The following FAM217A variants were observed in gnomAD, a reference collection of about 807,000 sequenced individuals.
The protein encoded by FAM217A is family with sequence similarity 217 member A, also known as protein FAM217A.
A neutral mutation model predicts 18.5 loss-of-function variants in FAM217A; 13 were observed. That is an observed-to-expected ratio of 0.70 (90% CI 0.46 to 1.12). FAM217A has a LOEUF of 1.12. FAM217A is among the 50% of genes most tolerant of loss of function. The probability of loss-of-function intolerance (pLI) is 0.00; values close to 1 mark genes in which losing one functional copy is unlikely to be tolerated. For missense variants in FAM217A, 560 were observed against 575.4 expected (o/e 0.97, Z 0.27); for synonymous variants, 161 against 202.8 (o/e 0.79, Z 1.75).
Position 4,068,535 on chromosome 6 carries a change from C to CGAGA in FAM217A, c.*160_*161insTCTC. The CGAGA allele has an allele frequency of 1.5e-6, 1 of 679,720 alleles. No individual in the cohort carries two copies. The highest frequency in any genetic ancestry group is 2.4e-6 in the Non-Finnish European group (1 of 420,238). The allele number at this position is 679,720 out of a possible 1,614,324, so 42.1% of individuals were successfully genotyped here. ...CCTGTGGGTTTATATATAGACATCT[C>CGAGA]AGCAGTGCTTTTCACAAGTTCTACT... On this transcript the variant is annotated 3_prime_UTR_variant, in exon 7 of 7. Transcript: ENST00000274673.
intron 1 of FAM217A, among the ~76,000 whole-genome samples, chr6:4,085,848 G>A (rs900449655): frequency 2.0e-5 from 3 of 152,226 alleles, no homozygotes; most frequent in Admixed American, 6.5e-5. Context: ...AGTGGCTTGC[G>A]CTTGTAATCA....
chr6:4,071,752 C>T (rs1022452940), intron 6 of FAM217A, among the ~76,000 whole-genome samples: 3 of 152,300 alleles, frequency 2.0e-5, no homozygotes, highest in Non-Finnish European at 2.9e-5. Flanking sequence ...ACCACAACTG[C>T]CATAGAACTT....
Position 4,068,456 on chromosome 6 carries a change from C to T in FAM217A, c.*240G>A, listed in dbSNP as rs1769168476. ...TGAATAGAATAGTCTACCAAGTGAA[C>T]CATTTACTTGAAACACAACATGCAA... is the stretch of plus-strand genomic sequence containing the variant. On this transcript the variant is annotated 3_prime_UTR_variant, in exon 7 of 7. Coordinates refer to ENST00000274673, the MANE Select transcript of FAM217A (RefSeq NM_173563.3). 5.1e-6 allele frequency: 2 copies of T among 389,926 alleles called. No individual in the cohort carries two copies. Among genetic ancestry groups the T allele is most frequent in the South Asian group, 1.5e-4 (2 of 12,976 alleles). The allele number at this position is 389,926 out of a possible 1,614,324, so 24.2% of individuals were successfully genotyped here.
At chr6:4,079,933 C>A (rs1470480727), upstream of FAM217A, among the ~76,000 whole-genome samples, 1 of 151,562 alleles carries the variant, frequency 6.6e-6, no homozygotes, top group Non-Finnish European at 1.5e-5. Flanking sequence ...TCTCCTATTA[C>A]AGCTTCATGA....
At position 4,074,585 on chromosome 6, in the gene FAM217A, G is replaced by C; in HGVS notation, c.137C>G (p.Ala46Gly). Residue 46 changes from alanine to glycine, a missense_variant, in exon 3 of 7, where the codon GCA (alanine) becomes GGA (glycine). By Grantham distance (60) the Ala-to-Gly change is moderately conservative (BLOSUM62 0). Coordinates refer to ENST00000274673, the MANE Select transcript of FAM217A (RefSeq NM_173563.3). The stretch of plus-strand genomic sequence containing the variant: ...CATCTAGGATTTCTTACCACCTGCT[G>C]CTCCATCCCTTCCAGCTGGGAGGTT... ...NKNLPAGRDG[A>G]AGGKINKNYL... The C allele has an allele frequency of 6.2e-7, 1 of 1,612,794 alleles. No homozygotes were observed. The highest frequency in any genetic ancestry group is 8.5e-7 in the Non-Finnish European group (1 of 1,178,890).
In FAM217A at chr6:4,069,391, G is replaced by C. The variant is rs2113852068; in HGVS notation, c.832C>G (p.Pro278Ala). ...KSDNWKVTVD[P>A]AETSVEHLIT... ...AAGTGTTCAACAGAGGTTTCTGCAG[G>C]GTCCACTGTCACTTTCCAATTGTCA... The change falls in exon 7 of 7, where the codon CCT becomes GCT. Residue 278 changes from proline to alanine, a missense_variant. Pro to Ala is a conservative substitution (Grantham distance 27). Transcript: ENST00000274673. 6.2e-7 allele frequency: 1 copy of C among 1,614,092 alleles called. No individual in the cohort carries two copies. Among genetic ancestry groups the C allele is most frequent in the Non-Finnish European group, 8.5e-7 (1 of 1,179,990 alleles).
At chr6:4,086,193 A>T (rs1300539638) in intron 1 of FAM217A, among the ~76,000 whole-genome samples, 2 of 150,948 alleles carry the variant, frequency 1.3e-5, no homozygotes, top group African/African-American at 4.9e-5. Flanking sequence ...ACACCTGTAA[A>T]CCCAGCACTT....
upstream of FAM217A, among the ~76,000 whole-genome samples, chr6:4,080,866 T>A (rs781565495): frequency 6.6e-6 from 1 of 151,502 alleles, no homozygotes; most frequent in Non-Finnish European, 1.5e-5. Context: ...AACTCACAAG[T>A]CATTTTTCCT....
At position 4,069,573 on chromosome 6, in the gene FAM217A, CT is replaced by C; in HGVS notation, c.649del (p.Ser217AlafsTer8). The C allele has an allele frequency of 6.2e-7, 1 of 1,614,010 alleles. No individual in the cohort carries two copies. Among genetic ancestry groups the C allele is most frequent in the Non-Finnish European group, 8.5e-7 (1 of 1,179,968 alleles). On this transcript the variant is annotated frameshift_variant, in exon 7 of 7. Transcript: ENST00000274673. LOFTEE classifies it low-confidence loss of function (END_TRUNC). ...ENEKTNDTLL[S>X]YFKKVDLNLK... ...GTTCAGGTCCACCTTTTTAAAATAGCTGAGTAAAGTATCATTTGTCTTCTCA... is the reference window on the plus strand; with the variant it reads ...GTTCAGGTCCACCTTTTTAAAATAGCGAGTAAAGTATCATTTGTCTTCTCA...
Position 4,069,216 on chromosome 6 carries a change from C to G in FAM217A, c.1007G>C (p.Cys336Ser). The change falls in exon 7 of 7, where the codon TGC (cysteine) becomes TCC (serine). Residue 336 changes from cysteine to serine, a missense_variant. Physicochemically the swap from Cys to Ser is moderately radical, Grantham distance 112. Coordinates refer to ENST00000274673, the MANE Select transcript of FAM217A (RefSeq NM_173563.3). ...ATPKVRQPKL[C>S]DSLSLQIPCV... is the part of the protein sequence containing the mutation. Reference sequence around the variant, plus strand: ...AGGTATCTGAAGACTCAAAGAGTCGCAAAGTTTTGGCTGTCTCACTTTTGG... The same window carrying G: ...AGGTATCTGAAGACTCAAAGAGTCGGAAAGTTTTGGCTGTCTCACTTTTGG... 6.2e-7 allele frequency: 1 copy of G among 1,614,156 alleles called. No homozygotes were observed. The highest frequency in any genetic ancestry group is 1.3e-5 in the African/African-American group (1 of 75,038).
chr6:4,083,251 TCTC>T (rs1206498405), upstream of FAM217A, among the ~76,000 whole-genome samples: 2 of 152,184 alleles, frequency 1.3e-5, no homozygotes, highest in African/African-American at 4.8e-5. Flanking sequence ...CACCTCAGTT[TCTC>T]CTCCTATAAC....
chr6:4,078,815 G>T, intron 1 of FAM217A, 37 bp downstream of exon 1: 2 of 443,714 alleles, frequency 4.5e-6, no homozygotes, highest in Non-Finnish European at 8.1e-6. Flanking sequence ...GCAGGAGGGG[G>T]CTGCGGGATT....
At chr6:4,085,106 C>T (rs904268822) in intron 1 of FAM217A, among the ~76,000 whole-genome samples, 7 of 152,126 alleles carry the variant, frequency 4.6e-5, no homozygotes, top group African/African-American at 1.7e-4. Flanking sequence ...ACAATGAAAG[C>T]ATTTGTTCCA....
exon 2 of FAM217A, chr6:4,084,688 C>T (rs1770527406): frequency 1.4e-6 from 1 of 703,018 alleles, no homozygotes; most frequent in Admixed American, 2.0e-5. Flanking sequence ...CCTTAAAAAA[C>T]TTGGAGCTAA....
intron 1 of FAM217A, chr6:4,084,900 G>A (rs954643427): frequency 6.1e-6 from 4 of 654,366 alleles, no homozygotes; most frequent in Non-Finnish European, 1.1e-5. Context: ...TCATGCAGCT[G>A]CTGCGCTGCG....
chr6:4,080,456 CTG>C (rs528152353), upstream of FAM217A, among the ~76,000 whole-genome samples: 76 of 152,356 alleles, frequency 5.0e-4, no homozygotes, highest in East Asian at 0.013. Flanking sequence ...CCCTTTAAAA[CTG>C]TGCTGGGCAC....
Position 4,069,165 on chromosome 6 carries a change from C to T in FAM217A, c.1058G>A (p.Ser353Asn), listed in dbSNP as rs759830375. The T allele has an allele frequency of 7.6e-7, 1 of 1,322,046 alleles. No homozygotes were observed. Among genetic ancestry groups the T allele is most frequent in the Non-Finnish European group, 1.0e-6 (1 of 955,926 alleles). 81.9% of individuals were successfully genotyped at this position (1,322,046 alleles called of 1,614,324 possible). A position where few individuals can be genotyped will look rare whatever the true frequency, so the allele number is the denominator to read the frequency against. Reference sequence around the variant, plus strand: ...CTTACAAGAACCAGAGTTGTTTTTACTTTTTTCTTGACTTTTATCTACACA... The same window carrying T: ...CTTACAAGAACCAGAGTTGTTTTTATTTTTTTCTTGACTTTTATCTACACA... Reference protein sequence around the residue: ...IPCVDKSQEKSKNNSGSCKLE... With the variant: ...IPCVDKSQEKNKNNSGSCKLE... The change falls in exon 7 of 7, where the codon AGT becomes AAT. Residue 353 changes from serine (S) to asparagine (N), a missense_variant. Physicochemically the swap from Ser to Asn is conservative, Grantham distance 46. Transcript: ENST00000274673.
chr6:4,077,747 C>A (rs1769931773), intron 1 of FAM217A, among the ~76,000 whole-genome samples: 1 of 152,144 alleles, frequency 6.6e-6, no homozygotes, highest in African/African-American at 2.4e-5. Flanking sequence ...CACATTGGAA[C>A]AAACTATGGT....
At chr6:4,084,253 G>A (rs1037829008) in intron 2 of FAM217A, among the ~76,000 whole-genome samples, 1 of 152,124 alleles carries the variant, frequency 6.6e-6, no homozygotes, top group Non-Finnish European at 1.5e-5. Context: ...CCATTGTTTT[G>A]TTGCAAATAG....
Sources: allele counts gnomAD v4.1 joint callset (sites outside exome capture counted in the v4.1 genomes callset), GRCh38; gene constraint gnomAD v4.1.1; transcripts MANE v1.5; gene names NCBI Gene and HGNC (gene_info 2026-07-23, HGNC 2026-07-21).